Variants in SLC24A3 observed in about 807,000 individuals in gnomAD.
SLC24A3 encodes solute carrier family 24 member 3.
SLC24A3 carries 28 observed loss-of-function variants against 75.8 expected under a neutral mutation model. The ratio of observed to expected loss-of-function variants is 0.37; its 90% CI spans 0.27 to 0.51. The LOEUF is 0.51. Among genes scored for constraint, SLC24A3 ranks in the 20% least tolerant of loss-of-function variants. The probability of loss-of-function intolerance (pLI) is 0.94; values close to 1 mark genes in which losing one functional copy is unlikely to be tolerated. For missense variants in SLC24A3, 663 were observed against 847.8 expected, an observed-to-expected ratio of 0.78 and a Z score of 2.71; for synonymous variants, 372 against 334.1, an observed-to-expected ratio of 1.11 and a Z score of -1.24.
chr20:19,529,684 T>G (rs1338260027), intron 3 of SLC24A3, among the ~76,000 whole-genome samples: 2 of 152,168 alleles, frequency 1.3e-5, no homozygotes, highest in Non-Finnish European at 2.9e-5. Flanking sequence ...CACTTGGGCC[T>G]CAGACCTTCC....
intron 2 of SLC24A3, among the ~76,000 whole-genome samples, chr20:19,400,492 G>A (rs1012430312): frequency 6.6e-6 from 1 of 152,080 alleles, no homozygotes; most frequent in Non-Finnish European, 1.5e-5. Context: ...GTGAGTGCCG[G>A]GCGCTGTGAC....
In SLC24A3 at chr20:19,286,972, A is replaced by T. The variant is rs577314521; in HGVS notation, c.271+5885A>T. On this transcript the variant is annotated intron_variant, in intron 2 of 16. Transcript: ENST00000328041. ...TTCTGAAGTTGTAATTCTCATAATG[A>T]TTCAAATCACAGCTGTTGAGATTCT... 8.1e-4 allele frequency among the ~76,000 whole-genome samples: 124 copies of T among 152,356 alleles called. 1 individual carries two copies. Among genetic ancestry groups the T allele is most frequent in the African/African-American group, 2.9e-3 (119 of 41,590 alleles).
chr20:19,608,164 G>A (rs1303365370), intron 6 of SLC24A3, among the ~76,000 whole-genome samples: 1 of 152,190 alleles, frequency 6.6e-6, no homozygotes, highest in Admixed American at 6.5e-5. Context: ...AACTGCCATA[G>A]CAATCTTTCG....
intron 7 of SLC24A3, among the ~76,000 whole-genome samples, chr20:19,662,536 A>T (rs555419452): frequency 1.3e-5 from 2 of 152,342 alleles, no homozygotes; most frequent in East Asian, 3.9e-4. Context: ...CAACTTCACT[A>T]CCTTGGCAGG....
chr20:19,534,440 T>A (rs6075528), intron 3 of SLC24A3, among the ~76,000 whole-genome samples: 2 of 152,164 alleles, frequency 1.3e-5, no homozygotes, highest in South Asian at 2.1e-4. Flanking sequence ...TGACGGAGTC[T>A]CGCTCTGTCA....
intron 2 of SLC24A3, among the ~76,000 whole-genome samples, chr20:19,373,061 ATT>A (rs11415733): frequency 5.3e-5 from 8 of 150,084 alleles, no homozygotes; most frequent in East Asian, 2.0e-4. Flanking sequence ...TAGTTTTGCG[ATT>A]TTTTTTTTTG....
chr20:19,444,010 C>T (rs1346365779), intron 2 of SLC24A3, among the ~76,000 whole-genome samples: 1 of 152,128 alleles, frequency 6.6e-6, no homozygotes, highest in African/African-American at 2.4e-5. Context: ...TCCCCTCTAT[C>T]CTTAGTTTCC....
intron 12 of SLC24A3, among the ~76,000 whole-genome samples, chr20:19,689,095 A>G (rs1026520261): frequency 1.3e-5 from 2 of 152,234 alleles, no homozygotes; most frequent in African/African-American, 4.8e-5. Context: ...AAACCTTTTC[A>G]TGTGTATGTA....
chr20:19,463,158 C>T (rs1987706093), intron 2 of SLC24A3, among the ~76,000 whole-genome samples: 2 of 152,304 alleles, frequency 1.3e-5, no homozygotes, highest in African/African-American at 2.4e-5. Context: ...TGACATTTAC[C>T]TGTGTGGACC....
intron 2 of SLC24A3, among the ~76,000 whole-genome samples, chr20:19,289,342 G>A (rs555061243): frequency 7.7e-4 from 118 of 152,310 alleles, no homozygotes; most frequent in African/African-American, 2.8e-3. Context: ...GAGCATCTGG[G>A]TCTCCAGACC....
intron 3 of SLC24A3, among the ~76,000 whole-genome samples, chr20:19,558,126 A>C (rs922348912): frequency 6.6e-6 from 1 of 152,172 alleles, no homozygotes; most frequent in Non-Finnish European, 1.5e-5. Context: ...CCCTTGAAGA[A>C]ACATCAGGTT....
At position 19,294,482 on chromosome 20, in the gene SLC24A3, T is replaced by TCC. The variant is rs199693676; in HGVS notation, c.271+13396_271+13397dup. Among the ~76,000 whole-genome samples the TCC allele has an allele frequency of 7.1e-3, 1,083 of 152,298 alleles. 11 individuals are homozygous for TCC. The highest frequency in any genetic ancestry group is 0.025 in the African/African-American group (1,045 of 41,546). On this transcript the variant is annotated intron_variant, in intron 2 of 16. Transcript: ENST00000328041. ...AGTGTGTGTTGTTCCCTTCCCCGTT[T>TCC]CCATGTGTTCTCATTGTTCAGCTCC...
At chr20:19,528,044 C>T (rs915214490) in intron 3 of SLC24A3, among the ~76,000 whole-genome samples, 1 of 152,144 alleles carries the variant, frequency 6.6e-6, no homozygotes, top group African/African-American at 2.4e-5. Flanking sequence ...CAAGATTCCA[C>T]CTAGTAAGGG....
chr20:19,397,923 A>G (rs1287955285), intron 2 of SLC24A3, among the ~76,000 whole-genome samples: 2 of 152,152 alleles, frequency 1.3e-5, no homozygotes, highest in Admixed American at 6.6e-5. Flanking sequence ...TTCGTCTGCC[A>G]CTTGAGCAAG....
intron 2 of SLC24A3, among the ~76,000 whole-genome samples, chr20:19,324,155 T>C (rs1489409505): frequency 1.3e-5 from 2 of 152,148 alleles, no homozygotes; most frequent in Non-Finnish European, 2.9e-5. Flanking sequence ...TCCCAAGCCA[T>C]TAAATAATTC....
In SLC24A3 at chr20:19,585,658, G is replaced by C. The variant is rs1190291589; in HGVS notation, c.612+114G>C. On this transcript the variant is annotated intron_variant, in intron 6 of 16. Coordinates refer to ENST00000328041, the MANE Select transcript of SLC24A3 (RefSeq NM_020689.4). The stretch of plus-strand genomic sequence containing the variant: ...ACACAACTTGCATTAGGGCCCAGTG[G>C]TTTGGGCAGCAGTGATTTGGGACCT... The C allele has an allele frequency of 1.1e-5, 11 of 1,013,894 alleles. No homozygotes were observed. In the African/African-American group the frequency reaches 1.4e-4, roughly 13 times the overall value. The allele number at this position is 1,013,894 out of a possible 1,614,324, so 62.8% of individuals were successfully genotyped here. A position where few individuals can be genotyped will look rare whatever the true frequency, so the allele number is the denominator to read the frequency against.
chr20:19,628,971 A>G (rs576544815), intron 6 of SLC24A3, among the ~76,000 whole-genome samples: 31 of 152,258 alleles, frequency 2.0e-4, no homozygotes, highest in African/African-American at 7.5e-4. Flanking sequence ...CAAAACAACA[A>G]CAACAAACAA....
chr20:19,224,245 CT>C (rs1361209765), intron 1 of SLC24A3, among the ~76,000 whole-genome samples: 6 of 152,096 alleles, frequency 3.9e-5, no homozygotes, highest in Non-Finnish European at 8.8e-5. Context: ...ACAAGGATCC[CT>C]TATGCTGCAC....
In SLC24A3 at chr20:19,416,617, G is replaced by C. The variant is rs549663296; in HGVS notation, c.272-98871G>C. ...CAATCAGTGCACTTCCTTGTTTGGA[G>C]TAAATTGATATAGTACAAGAGAGAT... On this transcript the variant is annotated intron_variant, in intron 2 of 16. Transcript: ENST00000328041. 3.3e-5 allele frequency among the ~76,000 whole-genome samples: 5 copies of C among 152,298 alleles called. No homozygotes were observed. The South Asian group carries it at 1.0e-3, about 32-fold the overall frequency.
Sources: gnomAD v4.1 joint callset for allele counts (sites outside exome capture counted in the v4.1 genomes callset) on GRCh38, gnomAD v4.1.1 for gene constraint, MANE v1.5 for transcripts, NCBI Gene and HGNC (gene_info 2026-07-23, HGNC 2026-07-21) for gene names.